The following CPNE4 variants were observed in gnomAD, a reference collection of about 807,000 sequenced individuals.
The protein encoded by CPNE4 is copine-4.
In CPNE4, 25 loss-of-function variants were observed where a neutral mutation model predicts 67.9. The ratio of observed to expected loss-of-function variants is 0.37; its 90% CI spans 0.27 to 0.51. The LOEUF is 0.51. Ranked by LOEUF, CPNE4 falls within the 20% of genes least tolerant of loss-of-function variation. The pLI is 0.93. For missense variants in CPNE4, 464 were observed against 690.8 expected (o/e 0.67, Z 3.68); for synonymous variants, 242 against 244.9 (o/e 0.99, Z 0.11).
chr3:131,801,452 GTATATA>G (rs71136416), intron 2 of CPNE4, among the ~76,000 whole-genome samples: 37 of 53,346 alleles, frequency 6.9e-4, no homozygotes, highest in Middle Eastern at 0.014. Context: ...GTGTGTGTGT[GTATATA>G]TATATATATA....
chr3:131,595,844 T>C (rs921234512), intron 7 of CPNE4, among the ~76,000 whole-genome samples: 20 of 151,750 alleles, frequency 1.3e-4, no homozygotes, highest in African/African-American at 4.8e-4. Context: ...ATATCAGGGG[T>C]GAGCGTGGAG....
At chr3:131,669,467 A>T (rs531999544) in intron 7 of CPNE4, among the ~76,000 whole-genome samples, 16 of 152,116 alleles carry the variant, frequency 1.1e-4, no homozygotes, top group Non-Finnish European at 1.8e-4. Context: ...GATATAACAT[A>T]ATTGGAATTG....
chr3:131,609,959 G>C (rs1451031010), intron 7 of CPNE4, among the ~76,000 whole-genome samples: 1 of 152,098 alleles, frequency 6.6e-6, no homozygotes, highest in East Asian at 1.9e-4. Context: ...AACTTTTACA[G>C]CCAAGATTTT....
rs140703452 is a variant in CPNE4 at position 131,944,933 on chromosome 3, T to C, written c.-1-39489A>G. On this transcript the variant is annotated intron_variant, in intron 1 of 15. Coordinates refer to ENST00000429747, the MANE Select transcript of CPNE4 (RefSeq NM_130808.3). ...CCCAGGGCTGGCAGATGTTTCTCCA[T>C]GAACAGCTTTATAGAATATAGAGTG... Among the ~76,000 whole-genome samples, 1,081 of 152,252 alleles carry C rather than the reference T, an allele frequency of 7.1e-3. 11 individuals are homozygous for C. Among genetic ancestry groups the C allele is most frequent in the African/African-American group, 0.025 (1,024 of 41,562 alleles).
At chr3:131,587,226 T>C (rs1053926282) in intron 8 of CPNE4, among the ~76,000 whole-genome samples, 3 of 152,190 alleles carry the variant, frequency 2.0e-5, no homozygotes, top group Admixed American at 2.0e-4. Flanking sequence ...TAAAGGAAGT[T>C]AGAAATACTC....
chr3:131,763,622 C>A (rs2082943519), intron 2 of CPNE4, among the ~76,000 whole-genome samples: 1 of 152,058 alleles, frequency 6.6e-6, no homozygotes, highest in Non-Finnish European at 1.5e-5. Flanking sequence ...ATCAGGTTTA[C>A]CTCCCAGATT....
intron 2 of CPNE4, among the ~76,000 whole-genome samples, chr3:131,879,311 T>C (rs1191300275): frequency 6.6e-6 from 1 of 152,178 alleles, no homozygotes; most frequent in African/African-American, 2.4e-5. Context: ...GCAACTAATG[T>C]AAGTGTGTTT....
chr3:131,618,207 G>A (rs1940269807), intron 7 of CPNE4, among the ~76,000 whole-genome samples: 1 of 152,148 alleles, frequency 6.6e-6, no homozygotes, highest in Non-Finnish European at 1.5e-5. Flanking sequence ...AGTTTGGGAA[G>A]GCAGAGGCAG....
At chr3:131,801,397 T>C (rs1032475449) in intron 2 of CPNE4, among the ~76,000 whole-genome samples, 1 of 111,116 alleles carries the variant, frequency 9.0e-6, no homozygotes, top group African/African-American at 3.1e-5. Flanking sequence ...GGTACATATA[T>C]ATATAGGTAC....
chr3:131,894,958 C>T (rs2088266932), intron 2 of CPNE4, among the ~76,000 whole-genome samples: 3 of 151,996 alleles, frequency 2.0e-5, no homozygotes, highest in Admixed American at 2.0e-4. Context: ...ATTCAGTCAA[C>T]CTAAATGTCC....
At chr3:131,978,216 AT>A (rs1305309982) in intron 1 of CPNE4, among the ~76,000 whole-genome samples, 2 of 42,110 alleles carry the variant, frequency 4.7e-5, no homozygotes, top group Admixed American at 9.8e-4. Flanking sequence ...TATAATATAT[AT>A]AATAAATTTA....
chr3:131,804,811 T>C (rs1403619570), intron 2 of CPNE4, among the ~76,000 whole-genome samples: 1 of 152,214 alleles, frequency 6.6e-6, no homozygotes, highest in Non-Finnish European at 1.5e-5. Flanking sequence ...AAGTGACATG[T>C]GGCCCAGTCT....
At chr3:131,961,402 T>A (rs540242427) in intron 1 of CPNE4, among the ~76,000 whole-genome samples, 1 of 152,254 alleles carries the variant, frequency 6.6e-6, no homozygotes, top group African/African-American at 2.4e-5. Context: ...TCCCTCCCAG[T>A]GTTGCTGTGC....
intron 1 of CPNE4, among the ~76,000 whole-genome samples, chr3:131,954,645 C>T (rs1244714942): frequency 6.6e-6 from 1 of 152,136 alleles, no homozygotes; most frequent in Non-Finnish European, 1.5e-5. Context: ...ATCCCTCCCA[C>T]CTTCCCCCAT....
intron 1 of CPNE4, among the ~76,000 whole-genome samples, chr3:131,982,039 GC>G (rs1202602996): frequency 1.3e-5 from 2 of 152,106 alleles, no homozygotes; most frequent in Non-Finnish European, 2.9e-5. Flanking sequence ...CACAATATGA[GC>G]CCCCGCACAC....
intron 1 of CPNE4, among the ~76,000 whole-genome samples, chr3:131,955,429 T>TTTTTC (rs1259537787): frequency 3.7e-5 from 5 of 136,650 alleles, no homozygotes; most frequent in African/African-American, 1.4e-4. Context: ...TTTTTTTTTT[T>TTTTTC]TTTTTGTATG....
intron 5 of CPNE4, among the ~76,000 whole-genome samples, chr3:131,688,550 C>T (rs185827541): frequency 1.9e-3 from 289 of 152,270 alleles, no homozygotes; most frequent in African/African-American, 6.3e-3. Flanking sequence ...CTTGTTCCTA[C>T]GTGCCCTTGG....
At chr3:131,548,857 A>G (rs913074115) in intron 14 of CPNE4, among the ~76,000 whole-genome samples, 3 of 152,204 alleles carry the variant, frequency 2.0e-5, no homozygotes, top group Non-Finnish European at 2.9e-5. Flanking sequence ...AATACTAATT[A>G]TATTTTTAAA....
intron 1 of CPNE4, among the ~76,000 whole-genome samples, chr3:131,987,575 A>T (rs1244406660): frequency 3.3e-5 from 5 of 151,972 alleles, no homozygotes; most frequent in African/African-American, 4.8e-5. Context: ...TTTAGTAGAG[A>T]CAGGGCTTCA....
Sources: allele counts gnomAD v4.1 joint callset (sites outside exome capture counted in the v4.1 genomes callset), GRCh38; gene constraint gnomAD v4.1.1; transcripts MANE v1.5; gene names NCBI Gene and HGNC (gene_info 2026-07-23, HGNC 2026-07-21).